The following TMEM135 variants were observed in gnomAD, a reference collection of about 807,000 sequenced individuals.
TMEM135 encodes the protein peroxisomal membrane protein 52.
A neutral mutation model predicts 60.3 loss-of-function variants in TMEM135; 30 were observed. The observed-to-expected ratio is 0.50, with a 90% CI of 0.37 to 0.68. The LOEUF is 0.68. TMEM135 is among the 30% of genes least tolerant of loss of function. TMEM135 has a pLI of 0.00. For synonymous variants in TMEM135, 190 were observed against 186.7 expected, an observed-to-expected ratio of 1.02 and a Z score of -0.14; for missense variants, 468 against 548.8, an observed-to-expected ratio of 0.85 and a Z score of 1.47.
intron 4 of TMEM135, among the ~76,000 whole-genome samples, chr11:87,110,451 C>T (rs1857713882): frequency 6.8e-6 from 1 of 146,282 alleles, no homozygotes; most frequent in South Asian, 2.2e-4. Context: ...GAGAACCTGT[C>T]TTTGAATTTA....
intron 5 of TMEM135, among the ~76,000 whole-genome samples, chr11:87,172,780 G>A (rs1458294059): frequency 6.6e-6 from 1 of 151,574 alleles, no homozygotes; most frequent in Non-Finnish European, 1.5e-5. Context: ...AAATATTGGT[G>A]TTATTTTAAA....
intron 5 of TMEM135, among the ~76,000 whole-genome samples, chr11:87,200,877 A>C (rs186198): frequency 0.63 from 96,109 of 151,972 alleles, 32,486 homozygotes; most frequent in East Asian, 0.91. Context: ...TGGTATGTAG[A>C]CTTTTCAGGG....
chr11:87,195,171 C>A (rs1203245042), intron 5 of TMEM135, among the ~76,000 whole-genome samples: 4 of 152,270 alleles, frequency 2.6e-5, no homozygotes, highest in East Asian at 3.9e-4. Flanking sequence ...ATCCAACCAT[C>A]CAAATTTAGG....
intron 1 of TMEM135, among the ~76,000 whole-genome samples, chr11:87,060,836 G>T (rs1328587648): frequency 3.3e-5 from 5 of 151,982 alleles, no homozygotes; most frequent in Admixed American, 3.3e-4. Flanking sequence ...TAGAGACGGG[G>T]TTTCACTGTG....
intron 2 of TMEM135, 71 bp downstream of exon 2, chr11:87,067,892 C>T: frequency 2.5e-6 from 4 of 1,576,470 alleles, no homozygotes; most frequent in Non-Finnish European, 3.5e-6. Context: ...TATGTGTTTA[C>T]ATAAATGTTA....
rs547168889 is a variant in TMEM135 at position 87,095,386 on chromosome 11, G to A, written c.396+3991G>A. On this transcript the variant is annotated intron_variant, in intron 4 of 14. Coordinates refer to ENST00000305494, the MANE Select transcript of TMEM135 (RefSeq NM_022918.4). ...CTACCACAATAAAAGCACTGCACTT[G>A]GTCATCAATACTTGTGTATTAGAGT... The A allele has an allele frequency of 4.6e-5, 10 of 216,332 alleles. No individual in the cohort carries two copies. The South Asian group carries it at 5.1e-4, about 11-fold the overall frequency. The allele number at this position is 216,332 out of a possible 1,614,324, so 13.4% of individuals were successfully genotyped here.
At chr11:87,239,110 AT>A (rs1382931261) in intron 6 of TMEM135, among the ~76,000 whole-genome samples, 3 of 152,002 alleles carry the variant, frequency 2.0e-5, no homozygotes, top group Non-Finnish European at 2.9e-5. Context: ...AACCCTATAA[AT>A]ATGTGTTTTG....
chr11:87,233,962 A>G (rs1439889494), intron 5 of TMEM135, among the ~76,000 whole-genome samples: 1 of 152,126 alleles, frequency 6.6e-6, no homozygotes, highest in African/African-American at 2.4e-5. Context: ...TACTTTGTGA[A>G]AGTCACAACG....
intron 5 of TMEM135, among the ~76,000 whole-genome samples, chr11:87,174,256 A>C (rs1171873025): frequency 6.6e-6 from 1 of 152,128 alleles, no homozygotes; most frequent in Non-Finnish European, 1.5e-5. Flanking sequence ...ATCATATTTT[A>C]ATGGGAAGAA....
At chr11:87,063,761 T>A (rs1359345829) in intron 1 of TMEM135, among the ~76,000 whole-genome samples, 2 of 152,210 alleles carry the variant, frequency 1.3e-5, no homozygotes, top group Non-Finnish European at 2.9e-5. Context: ...CCTAGGTTAT[T>A]TTCTGTGTCT....
At chr11:87,167,286 G>T (rs1034284875) in intron 5 of TMEM135, among the ~76,000 whole-genome samples, 2 of 151,960 alleles carry the variant, frequency 1.3e-5, no homozygotes, top group Admixed American at 6.6e-5. Flanking sequence ...TCCTATTTGA[G>T]TACGCTTTAT....
intron 10 of TMEM135, 55 bp from the exon 11 acceptor site, chr11:87,313,370 G>T: frequency 7.0e-7 from 1 of 1,418,454 alleles, no homozygotes; most frequent in Non-Finnish European, 9.9e-7. Flanking sequence ...TTTGTTTTAT[G>T]CTTTTATTTC....
intron 5 of TMEM135, among the ~76,000 whole-genome samples, chr11:87,215,934 A>G (rs1338486047): frequency 6.6e-6 from 1 of 152,088 alleles, no homozygotes; most frequent in Non-Finnish European, 1.5e-5. Context: ...TAGTGTCAAT[A>G]GTTTTGCTTT....
intron 4 of TMEM135, among the ~76,000 whole-genome samples, chr11:87,155,368 A>C (rs1591061749): frequency 6.6e-6 from 1 of 152,188 alleles, no homozygotes; most frequent in East Asian, 1.9e-4. Context: ...TAATGTCATA[A>C]AGCTTTCCCC....
chr11:87,144,709 AGT>A (rs4014711), intron 4 of TMEM135, among the ~76,000 whole-genome samples: 3,590 of 146,956 alleles, frequency 0.024, 37 homozygotes, highest in South Asian at 0.033. Context: ...TGTGTGTGAA[AGT>A]GTGTGTGTGT....
chr11:87,238,887 C>T (rs1941066651), intron 6 of TMEM135, among the ~76,000 whole-genome samples: 1 of 151,976 alleles, frequency 6.6e-6, no homozygotes, highest in Non-Finnish European at 1.5e-5. Context: ...AAATTCCTAA[C>T]AGAACAGGTA....
intron 4 of TMEM135, among the ~76,000 whole-genome samples, chr11:87,096,949 T>C (rs1213325734): frequency 1.3e-5 from 2 of 152,132 alleles, no homozygotes; most frequent in African/African-American, 4.8e-5. Context: ...CTTTGTGTCA[T>C]TGACGGGGTA....
chr11:87,183,746 A>G (rs1259007223), intron 5 of TMEM135, among the ~76,000 whole-genome samples: 1 of 151,782 alleles, frequency 6.6e-6, no homozygotes, highest in African/African-American at 2.4e-5. Context: ...ACCTGAGGTC[A>G]GGAGTTCGAG....
intron 6 of TMEM135, among the ~76,000 whole-genome samples, chr11:87,289,233 G>T (rs1475662994): frequency 6.6e-6 from 1 of 151,974 alleles, no homozygotes; most frequent in Non-Finnish European, 1.5e-5. Context: ...TACATATATA[G>T]TTATTAGATC....
Sources: gnomAD v4.1 joint callset for allele counts (sites outside exome capture counted in the v4.1 genomes callset) on GRCh38, gnomAD v4.1.1 for gene constraint, MANE v1.5 for transcripts, NCBI Gene and HGNC (gene_info 2026-07-23, HGNC 2026-07-21) for gene names.